Variants in SIPA1L1 observed in about 807,000 individuals in gnomAD.
SIPA1L1 encodes signal induced proliferation associated 1 like 1.
SIPA1L1 carries 26 observed loss-of-function variants against 162.7 expected under a neutral mutation model. The observed-to-expected ratio is 0.16, with a 90% CI of 0.12 to 0.22. SIPA1L1 has a LOEUF of 0.22. SIPA1L1 is among the 10% of genes least tolerant of loss of function. SIPA1L1 has a pLI of 1.00. For missense variants in SIPA1L1, 1,874 were observed against 2,241.0 expected (o/e 0.84, Z 3.31); for synonymous variants, 829 against 837.4 (o/e 0.99, Z 0.17).
chr14:71,479,608 A>G (rs901179347), intron 2 of SIPA1L1, among the ~76,000 whole-genome samples: 22 of 151,894 alleles, frequency 1.4e-4, no homozygotes, highest in African/African-American at 5.1e-4. Flanking sequence ...AGGTCTCACT[A>G]TATTGCCCTG....
chr14:71,546,770 C>T (rs2055254479), intron 4 of SIPA1L1, among the ~76,000 whole-genome samples: 1 of 152,132 alleles, frequency 6.6e-6, no homozygotes. Flanking sequence ...GGTCTCTGTC[C>T]TTAAAGAGCT....
chr14:71,505,970 C>T (rs1234629652), intron 2 of SIPA1L1, among the ~76,000 whole-genome samples: 1 of 142,694 alleles, frequency 7.0e-6, no homozygotes, highest in East Asian at 2.1e-4. Flanking sequence ...TCCCCCCCCC[C>T]AAAAAAAAAA....
At chr14:71,541,562 G>GTA (rs2054386455) in intron 4 of SIPA1L1, among the ~76,000 whole-genome samples, 1 of 152,148 alleles carries the variant, frequency 6.6e-6, no homozygotes, top group South Asian at 2.1e-4. Flanking sequence ...AGGAGTTTGA[G>GTA]ACCACCCTGG....
At chr14:71,594,156 C>T (rs2035753975) in intron 5 of SIPA1L1, among the ~76,000 whole-genome samples, 1 of 152,156 alleles carries the variant, frequency 6.6e-6, no homozygotes, top group Non-Finnish European at 1.5e-5. Context: ...TCTGTCTTTA[C>T]CTCTCACCCT....
chr14:71,590,035 AAAAAAAAAAATAT>A (rs1224339228), intron 5 of SIPA1L1, among the ~76,000 whole-genome samples: 19 of 85,288 alleles, frequency 2.2e-4, no homozygotes, highest in East Asian at 8.1e-4. Flanking sequence ...AAAAAAAAAA[AAAAAAAAAAATAT>A]ATATATATAT....
chr14:71,637,315 A>G (rs995576844), intron 7 of SIPA1L1, among the ~76,000 whole-genome samples: 1 of 152,250 alleles, frequency 6.6e-6, no homozygotes, highest in East Asian at 1.9e-4. Context: ...GTACAATACA[A>G]TAAGATATTT....
At chr14:71,372,172 A>G (rs765283021) in intron 2 of SIPA1L1, among the ~76,000 whole-genome samples, 1 of 152,166 alleles carries the variant, frequency 6.6e-6, no homozygotes, top group Non-Finnish European at 1.5e-5. Context: ...GAGAATGAGT[A>G]TGCTGGCTCA....
intron 2 of SIPA1L1, among the ~76,000 whole-genome samples, chr14:71,472,848 T>TAAAAAAAAA (rs35990139): frequency 8.3e-6 from 1 of 120,472 alleles, no homozygotes. Context: ...TATGAAAACT[T>TAAAAAAAAA]AAAAAAAAAA....
At chr14:71,582,383 G>A (rs537225915) in intron 4 of SIPA1L1, among the ~76,000 whole-genome samples, 16 of 151,984 alleles carry the variant, frequency 1.1e-4, no homozygotes, top group Non-Finnish European at 1.9e-4. Flanking sequence ...ACTTGTTCCC[G>A]CATTCTTTAT....
At chr14:71,351,622 C>A (rs1285487797) in intron 2 of SIPA1L1, among the ~76,000 whole-genome samples, 1 of 152,036 alleles carries the variant, frequency 6.6e-6, no homozygotes, top group Non-Finnish European at 1.5e-5. Context: ...TTTATTATTA[C>A]CATAAACTGA....
At chr14:71,424,195 C>T (rs1402296432) in intron 2 of SIPA1L1, among the ~76,000 whole-genome samples, 1 of 151,882 alleles carries the variant, frequency 6.6e-6, no homozygotes, top group Non-Finnish European at 1.5e-5. Flanking sequence ...TTGGGTTTTC[C>T]ACATGTAAGA....
intron 4 of SIPA1L1, among the ~76,000 whole-genome samples, chr14:71,533,779 T>G (rs910185801): frequency 2.0e-5 from 3 of 152,222 alleles, no homozygotes; most frequent in Non-Finnish European, 2.9e-5. Flanking sequence ...CTGAGTTAAA[T>G]TGAAAGACTT....
chr14:71,382,466 A>G (rs2039983405), intron 2 of SIPA1L1, among the ~76,000 whole-genome samples: 1 of 152,238 alleles, frequency 6.6e-6, no homozygotes, highest in Non-Finnish European at 1.5e-5. Flanking sequence ...AAACAAATTT[A>G]CATTAGAACT....
chr14:71,383,418 G>A (rs2040064564), intron 2 of SIPA1L1, among the ~76,000 whole-genome samples: 1 of 152,210 alleles, frequency 6.6e-6, no homozygotes, highest in African/African-American at 2.4e-5. Flanking sequence ...TTTTAAAATG[G>A]TTCTGTGTGA....
At chr14:71,603,542 T>G (rs2148076436) in intron 5 of SIPA1L1, among the ~76,000 whole-genome samples, 1 of 152,272 alleles carries the variant, frequency 6.6e-6, no homozygotes, top group South Asian at 2.1e-4. Context: ...TACTGCAGCC[T>G]TGAACTCCCA....
intron 11 of SIPA1L1, 34 bp from the exon 12 acceptor site, chr14:71,672,313 CT>C (rs762006195): frequency 2.5e-6 from 4 of 1,608,784 alleles, no homozygotes; most frequent in Non-Finnish European, 2.6e-6. Flanking sequence ...TACCCTATTG[CT>C]TTAAACCACA....
chr14:71,397,375 A>G (rs2041287884), intron 2 of SIPA1L1, among the ~76,000 whole-genome samples: 1 of 152,036 alleles, frequency 6.6e-6, no homozygotes, highest in East Asian at 1.9e-4. Flanking sequence ...TCACCTAAAA[A>G]ATTGCAGCAA....
At chr14:71,562,295 T>C (rs2056860868) in intron 4 of SIPA1L1, among the ~76,000 whole-genome samples, 2 of 152,018 alleles carry the variant, frequency 1.3e-5, no homozygotes, top group Non-Finnish European at 2.9e-5. Flanking sequence ...AATTACCCAG[T>C]CTTTATAATA....
intron 2 of SIPA1L1, among the ~76,000 whole-genome samples, chr14:71,449,457 C>T (rs2045652328): frequency 6.6e-6 from 1 of 152,138 alleles, no homozygotes; most frequent in Admixed American, 6.5e-5. Flanking sequence ...GAGCTGAATT[C>T]ACCTTTTCCC....
Sources: gnomAD v4.1 joint callset for allele counts (sites outside exome capture counted in the v4.1 genomes callset) on GRCh38, gnomAD v4.1.1 for gene constraint, MANE v1.5 for transcripts, NCBI Gene and HGNC (gene_info 2026-07-23, HGNC 2026-07-21) for gene names.